The following SOX5 variants were observed in gnomAD, a reference collection of about 807,000 sequenced individuals.
SOX5 encodes SRY-box transcription factor 5.
In SOX5, 9 loss-of-function variants were observed where a neutral mutation model predicts 92.0. The ratio of observed to expected loss-of-function variants is 0.10; its 90% confidence interval spans 0.06 to 0.17. The LOEUF is 0.17. SOX5 is among the 10% of genes least tolerant of loss of function. The pLI, the probability that SOX5 is intolerant of heterozygous loss-of-function variation, is 1.00. For missense variants in SOX5, 642 were observed against 944.5 expected (o/e 0.68, Z 4.20); for synonymous variants, 344 against 336.3 (o/e 1.02, Z -0.25).
At chr12:24,073,533 G>A (rs1034413991) in intron 4 of SOX5, among the ~76,000 whole-genome samples, 1 of 151,972 alleles carries the variant, frequency 6.6e-6, no homozygotes, top group Non-Finnish European at 1.5e-5. Context: ...TCATTTTCTG[G>A]GATGGTAACT....
At chr12:23,845,942 C>T (rs773651469) in intron 3 of SOX5, 41 bp downstream of exon 3, 1 of 1,447,660 alleles carries the variant, frequency 6.9e-7, no homozygotes, top group Non-Finnish European at 9.7e-7. Context: ...GTATTAAAAT[C>T]AGGACACAGC....
At chr12:24,132,140 T>C (rs1949705015) in intron 4 of SOX5, among the ~76,000 whole-genome samples, 1 of 152,138 alleles carries the variant, frequency 6.6e-6, no homozygotes, top group Non-Finnish European at 1.5e-5. Context: ...TCAACAAACG[T>C]GTAGATCATA....
Position 23,612,662 on chromosome 12 carries a change from C to T in SOX5, c.1018-8129G>A, listed in dbSNP as rs559441433. The stretch of plus-strand genomic sequence containing the variant: ...GGAATAGAGATTTTAAAATATATGT[C>T]ATCTATTATGATTTAAAAAAATTGT... On this transcript the variant is annotated intron_variant, in intron 8 of 14. Transcript: ENST00000451604. Among the ~76,000 whole-genome samples the T allele has an allele frequency of 9.9e-5, 15 of 152,158 alleles. No homozygotes were observed. The East Asian group carries it at 2.9e-3, about 29-fold the overall frequency.
At position 23,620,441 on chromosome 12, in the gene SOX5, C is replaced by T. The variant is rs115977275; in HGVS notation, c.1018-15908G>A. Among the ~76,000 whole-genome samples the T allele has an allele frequency of 3.3e-3, 499 of 152,056 alleles. 2 individuals are homozygous for T. The highest frequency in any genetic ancestry group is 0.011 in the African/African-American group (466 of 41,506). ...AATCACATTTTTACAGATTTAAAAT[C>T]GATTACAGAATAAATCTATATATAT... is the stretch of plus-strand genomic sequence containing the variant. On this transcript the variant is annotated intron_variant, in intron 8 of 14. Coordinates refer to ENST00000451604, the MANE Select transcript of SOX5 (RefSeq NM_006940.6).
intron 4 of SOX5, among the ~76,000 whole-genome samples, chr12:24,116,406 G>A (rs1948001944): frequency 6.6e-6 from 1 of 151,234 alleles, no homozygotes; most frequent in Non-Finnish European, 1.5e-5. Flanking sequence ...ATGAAGTAGA[G>A]ATGAGAAAAA....
intron 6 of SOX5, among the ~76,000 whole-genome samples, chr12:23,716,620 G>A (rs1344271777): frequency 6.6e-6 from 1 of 152,190 alleles, no homozygotes; most frequent in African/African-American, 2.4e-5. Flanking sequence ...AGAGTGCTAA[G>A]AGGAAGCACA....
chr12:24,291,060 T>G (rs1167593834), intron 2 of SOX5, among the ~76,000 whole-genome samples: 2 of 152,218 alleles, frequency 1.3e-5, no homozygotes, highest in Non-Finnish European at 2.9e-5. Flanking sequence ...TAGGCAGTAC[T>G]CAGTATTATC....
intron 4 of SOX5, among the ~76,000 whole-genome samples, chr12:24,114,726 T>G (rs1400887561): frequency 6.6e-6 from 1 of 151,904 alleles, no homozygotes; most frequent in Non-Finnish European, 1.5e-5. Flanking sequence ...TCAAGGGTCT[T>G]TTGAAGCCAG....
At chr12:24,318,167 C>G (rs1263378357) in intron 2 of SOX5, among the ~76,000 whole-genome samples, 4 of 152,160 alleles carry the variant, frequency 2.6e-5, no homozygotes, top group African/African-American at 9.7e-5. Context: ...CGAGATCATA[C>G]CATTGCACTC....
chr12:24,269,734 G>A (rs1170825639), intron 3 of SOX5, among the ~76,000 whole-genome samples: 5 of 120,770 alleles, frequency 4.1e-5, no homozygotes, highest in Admixed American at 1.1e-4. Flanking sequence ...TTGTGGCCCC[G>A]CTGGCACGAA....
At chr12:24,186,276 G>A (rs183204532) in intron 4 of SOX5, among the ~76,000 whole-genome samples, 32 of 152,242 alleles carry the variant, frequency 2.1e-4, no homozygotes, top group Non-Finnish European at 1.5e-4. Context: ...AAATGGTTAA[G>A]TCATAAAGGT....
intron 2 of SOX5, among the ~76,000 whole-genome samples, chr12:23,890,855 T>C (rs1442906813): frequency 3.3e-5 from 5 of 152,018 alleles, no homozygotes; most frequent in African/African-American, 1.2e-4. Flanking sequence ...AGGAGACAAT[T>C]GGAGATTTAA....
At chr12:24,436,877 C>T (rs191994614) in intron 1 of SOX5, among the ~76,000 whole-genome samples, 68 of 152,298 alleles carry the variant, frequency 4.5e-4, no homozygotes, top group African/African-American at 1.6e-3. Context: ...CCATTCCAAA[C>T]ATTCCTAGGG....
chr12:24,526,633 C>G (rs1053464559), intron 1 of SOX5, among the ~76,000 whole-genome samples: 1 of 152,042 alleles, frequency 6.6e-6, no homozygotes, highest in Non-Finnish European at 1.5e-5. Flanking sequence ...AGTGGGCTCC[C>G]CCAACCACAA....
At chr12:24,002,332 A>G (rs1951690686) in intron 4 of SOX5, among the ~76,000 whole-genome samples, 1 of 152,042 alleles carries the variant, frequency 6.6e-6, no homozygotes, top group South Asian at 2.1e-4. Flanking sequence ...CCAAAAAACA[A>G]AAAAAGTGAA....
At chr12:23,842,382 G>A (rs1189343404) in intron 3 of SOX5, among the ~76,000 whole-genome samples, 1 of 152,056 alleles carries the variant, frequency 6.6e-6, no homozygotes, top group African/African-American at 2.4e-5. Flanking sequence ...AAGAACTCAT[G>A]TTCAGCTTAA....
chr12:24,249,938 T>A (rs778122469), intron 3 of SOX5, among the ~76,000 whole-genome samples: 17 of 152,206 alleles, frequency 1.1e-4, no homozygotes, highest in Non-Finnish European at 1.9e-4. Flanking sequence ...AGGGAAATAG[T>A]ATCACGATAT....
At chr12:24,278,483 C>A (rs1944759654) in intron 2 of SOX5, among the ~76,000 whole-genome samples, 1 of 152,042 alleles carries the variant, frequency 6.6e-6, no homozygotes, top group African/African-American at 2.4e-5. Context: ...GAGGCTGCAG[C>A]AAAAGTATTA....
At chr12:24,553,911 T>C (rs1207339464) in intron 1 of SOX5, among the ~76,000 whole-genome samples, 1 of 152,230 alleles carries the variant, frequency 6.6e-6, no homozygotes, top group African/African-American at 2.4e-5. Flanking sequence ...TAGTTCCTGG[T>C]TGGATGTGGA....
Sources: gnomAD v4.1 joint callset for allele counts (sites outside exome capture counted in the v4.1 genomes callset) on GRCh38, gnomAD v4.1.1 for gene constraint, MANE v1.5 for transcripts, NCBI Gene and HGNC (gene_info 2026-07-23, HGNC 2026-07-21) for gene names.